Variants in RALGAPA1 observed in about 807,000 individuals in gnomAD.
RALGAPA1 encodes the protein ral GTPase-activating protein subunit alpha-1.
Under a neutral mutation model 269.6 loss-of-function variants are expected in RALGAPA1, and 52 were observed. The observed-to-expected ratio is 0.19, with a 90% CI of 0.15 to 0.24. The LOEUF (loss-of-function observed/expected upper bound fraction) is 0.24. Ranked by LOEUF, RALGAPA1 falls within the 10% of genes least tolerant of loss-of-function variation. The probability of loss-of-function intolerance (pLI) is 1.00; values close to 1 mark genes in which losing one functional copy is unlikely to be tolerated. For missense variants in RALGAPA1, 1,917 were observed against 3,013.9 expected (o/e 0.64, Z 8.52); for synonymous variants, 817 against 1,008.3 (o/e 0.81, Z 3.60).
chr14:35,637,262 G>A (rs2061721583), intron 31 of RALGAPA1, among the ~76,000 whole-genome samples: 1 of 152,142 alleles, frequency 6.6e-6, no homozygotes, highest in Non-Finnish European at 1.5e-5. Context: ...AGACAGAGAT[G>A]TCACCTGACA....
intron 26 of RALGAPA1, among the ~76,000 whole-genome samples, chr14:35,666,484 C>G (rs188044782): frequency 6.6e-6 from 1 of 152,268 alleles, no homozygotes; most frequent in East Asian, 1.9e-4. Flanking sequence ...GTCAGTCTCC[C>G]AAAGTGTTGG....
Position 35,688,737 on chromosome 14 carries a change from C to T in RALGAPA1, c.3674G>A (p.Ser1225Asn). Residue 1225 changes from serine (S) to asparagine (N), a missense_variant, in exon 18 of 42, where the codon AGC becomes AAC. Ser to Asn is a conservative substitution (Grantham distance 46). Coordinates refer to ENST00000680220, the MANE Select transcript of RALGAPA1 (RefSeq NM_001346249.2). Reference protein sequence around the residue: ...LDTLGTASVSSKTVKESTEIP... With the variant: ...LDTLGTASVSNKTVKESTEIP... ...CTCTGTGGATTCCTTCACTGTTTTGCTGCTTACTGATGCAGTACCAAGTGT... is the reference window on the plus strand; with the variant it reads ...CTCTGTGGATTCCTTCACTGTTTTGTTGCTTACTGATGCAGTACCAAGTGT... 1 of 1,466,116 alleles carries T rather than the reference C, an allele frequency of 6.8e-7. No individual in the cohort carries two copies. The highest frequency in any genetic ancestry group is 9.0e-7 in the Non-Finnish European group (1 of 1,115,576). The allele number at this position is 1,466,116 out of a possible 1,614,324, so 90.8% of individuals were successfully genotyped here. A position where few individuals can be genotyped will look rare whatever the true frequency, so the allele number is the denominator to read the frequency against.
chr14:35,682,820 CA>C (rs1443974684), intron 21 of RALGAPA1, among the ~76,000 whole-genome samples: 1 of 152,014 alleles, frequency 6.6e-6, no homozygotes, highest in Non-Finnish European at 1.5e-5. Flanking sequence ...AGCTCTAACC[CA>C]ATTGGTTCCC....
At position 35,737,759 on chromosome 14, in the gene RALGAPA1, CAAAAAAAAAAAAAAAA is replaced by C. The variant is rs60152249; in HGVS notation, c.1587+738_1587+753del. On this transcript the variant is annotated intron_variant, in intron 12 of 41. Coordinates refer to ENST00000680220, the MANE Select transcript of RALGAPA1 (RefSeq NM_001346249.2). ...GGGCAACAACAGTGAAAATCCATCTCAAAAAAAAAAAAAAAAAAAAAAAAAAAAAAAAAAAGAATGT... is the reference window on the plus strand; with the variant it reads ...GGGCAACAACAGTGAAAATCCATCTCAAAAAAAAAAAAAAAAAAAGAATGT... 9.5e-3 allele frequency among the ~76,000 whole-genome samples: 166 copies of C among 17,418 alleles called. 2 individuals are homozygous for C. Among genetic ancestry groups the C allele is most frequent in the Middle Eastern group, 0.083 (1 of 12 alleles). The allele number at this position is 17,418 out of a possible 152,430, so 11.4% of individuals were successfully genotyped here.
At chr14:35,776,325 G>T (rs936240705) in intron 1 of RALGAPA1, among the ~76,000 whole-genome samples, 1 of 151,776 alleles carries the variant, frequency 6.6e-6, no homozygotes, top group Non-Finnish European at 1.5e-5. Context: ...AGGCTACAGT[G>T]AGCCAAGATT....
chr14:35,596,043 A>G (rs1230599147), intron 36 of RALGAPA1, among the ~76,000 whole-genome samples: 1 of 152,060 alleles, frequency 6.6e-6, no homozygotes, highest in Non-Finnish European at 1.5e-5. Context: ...TTGTTAGCCT[A>G]CTAGGTGTTA....
chr14:35,546,776 A>G (rs2054500213), intron 41 of RALGAPA1, among the ~76,000 whole-genome samples: 1 of 152,110 alleles, frequency 6.6e-6, no homozygotes, highest in Non-Finnish European at 1.5e-5. Context: ...CCAAACTGCT[A>G]TTATACAGCT....
chr14:35,763,386 G>A (rs1567179855), intron 4 of RALGAPA1, among the ~76,000 whole-genome samples: 2 of 152,056 alleles, frequency 1.3e-5, no homozygotes, highest in East Asian at 3.9e-4. Context: ...AAATCATATT[G>A]TTCCTTTCTT....
chr14:35,739,662 A>G (rs898312625), intron 11 of RALGAPA1, among the ~76,000 whole-genome samples: 5 of 152,102 alleles, frequency 3.3e-5, no homozygotes, highest in African/African-American at 7.2e-5. Flanking sequence ...GAAACTTGCG[A>G]CACCTCCCCA....
chr14:35,570,291 T>C (rs1417425691), intron 39 of RALGAPA1, among the ~76,000 whole-genome samples: 1 of 147,574 alleles, frequency 6.8e-6, no homozygotes, highest in Non-Finnish European at 1.5e-5. Flanking sequence ...AAAAAGCATG[T>C]GAAAGAAAAT....
At chr14:35,634,227 A>T (rs546939574) in intron 33 of RALGAPA1, among the ~76,000 whole-genome samples, 9 of 152,174 alleles carry the variant, frequency 5.9e-5, no homozygotes, top group Admixed American at 2.0e-4. Context: ...GGAAATGCTC[A>T]TTGGAGCATT....
In RALGAPA1 at chr14:35,775,718, T is replaced by A. The variant is rs2074970254; in HGVS notation, c.134A>T (p.Gln45Leu). 1 of 1,566,718 alleles carries A rather than the reference T, an allele frequency of 6.4e-7. No individual in the cohort carries two copies. The highest frequency in any genetic ancestry group is 8.6e-7 in the Non-Finnish European group (1 of 1,163,256). ...IENAESIDLK[Q>L]FFDQHFSHIY... ...ATGTGAAAAATGTTGGTCGAAAAAC[T>A]GTTTAAGATCAATAGATTCTGCATT... is the stretch of plus-strand genomic sequence containing the variant. The change falls in exon 2 of 42, where the codon CAG (glutamine) becomes CTG (leucine). Residue 45 changes from glutamine (Q) to leucine (L), a missense_variant. Transcript: ENST00000680220.
At chr14:35,735,379 A>G (rs2070884781) in intron 12 of RALGAPA1, among the ~76,000 whole-genome samples, 1 of 152,230 alleles carries the variant, frequency 6.6e-6, no homozygotes, top group South Asian at 2.1e-4. Context: ...CTATTCAGCC[A>G]TAAAAAGGAA....
At chr14:35,641,409 T>C (rs1481173549) in intron 31 of RALGAPA1, among the ~76,000 whole-genome samples, 3 of 152,176 alleles carry the variant, frequency 2.0e-5, no homozygotes, top group African/African-American at 7.2e-5. Context: ...AGCTGCAGGA[T>C]ACAAAATCAA....
At chr14:35,805,948 C>T (rs1407847204) in intron 1 of RALGAPA1, among the ~76,000 whole-genome samples, 1 of 151,972 alleles carries the variant, frequency 6.6e-6, no homozygotes. Flanking sequence ...TCGGCCTCCC[C>T]AAGTCCTGGG....
intron 37 of RALGAPA1, among the ~76,000 whole-genome samples, chr14:35,577,887 C>T (rs1426103526): frequency 6.6e-6 from 1 of 152,204 alleles, no homozygotes; most frequent in East Asian, 1.9e-4. Context: ...GTTTTCCTTA[C>T]TACATTGCTA....
chr14:35,702,488 A>C (rs1354186801), intron 16 of RALGAPA1, among the ~76,000 whole-genome samples: 2 of 152,128 alleles, frequency 1.3e-5, no homozygotes, highest in African/African-American at 4.8e-5. Context: ...AACAACCCAT[A>C]TACAAAATGT....
intron 28 of RALGAPA1, among the ~76,000 whole-genome samples, chr14:35,657,471 C>T (rs963922418): frequency 2.6e-5 from 4 of 151,722 alleles, no homozygotes; most frequent in East Asian, 3.9e-4. Context: ...ATTCCAGGCA[C>T]GAGCCACCAC....
At chr14:35,789,396 C>T (rs922126447) in intron 1 of RALGAPA1, among the ~76,000 whole-genome samples, 3 of 151,904 alleles carry the variant, frequency 2.0e-5, no homozygotes, top group Non-Finnish European at 4.4e-5. Context: ...GAGTTCAAGA[C>T]CACCCTGGGC....
Sources: gnomAD v4.1 joint callset for allele counts (sites outside exome capture counted in the v4.1 genomes callset) on GRCh38, gnomAD v4.1.1 for gene constraint, MANE v1.5 for transcripts, NCBI Gene and HGNC (gene_info 2026-07-23, HGNC 2026-07-21) for gene names.